The following HELQ variants were observed in gnomAD, a reference collection of about 807,000 sequenced individuals.
HELQ encodes helicase, POLQ like.
In HELQ, 77 loss-of-function variants were observed where a neutral mutation model predicts 111.6. The observed-to-expected ratio is 0.69, with a 90% confidence interval of 0.57 to 0.83. The LOEUF (loss-of-function observed/expected upper bound fraction) is 0.83, where lower values mean the gene tolerates loss of function less well. Ranked by LOEUF, HELQ falls within the 40% of genes least tolerant of loss-of-function variation. The probability of loss-of-function intolerance (pLI) is 0.00; values close to 1 mark genes in which losing one functional copy is unlikely to be tolerated. For synonymous variants in HELQ, 438 were observed against 454.7 expected (o/e 0.96, Z 0.47); for missense variants, 1,200 against 1,288.5 (o/e 0.93, Z 1.05).
chr4:83,434,775 GA>G (rs1720360621), intron 9 of HELQ, among the ~76,000 whole-genome samples: 2 of 152,134 alleles, frequency 1.3e-5, no homozygotes, highest in South Asian at 4.1e-4. Context: ...AGGTAAAGTT[GA>G]AAAAAATTAC....
In HELQ at chr4:83,439,563, G is replaced by A. The variant is rs1720660775; in HGVS notation, c.1808+300C>T. Among the ~76,000 whole-genome samples, 2 of 151,652 alleles carry A rather than the reference G, an allele frequency of 1.3e-5. 1 individual carries two copies. The highest frequency in any genetic ancestry group is 4.9e-5 in the African/African-American group (2 of 41,184). ...TTTAGTAGAGATGGGGTTTCACCGT[G>A]TTGGCCAGGCTCGTCTCAAACTCCT... On this transcript the variant is annotated intron_variant, in intron 8 of 17. Transcript: ENST00000295488.
intron 4 of HELQ, 129 bp downstream of exon 4, chr4:83,446,706 T>C (rs1460137196): frequency 1.7e-5 from 10 of 595,514 alleles, no homozygotes; most frequent in Non-Finnish European, 5.7e-6. Context: ...TTCACCTATA[T>C]TGTCTATATT....
In HELQ at chr4:83,453,336, T is replaced by C. The variant is rs763283099; in HGVS notation, c.907A>G (p.Lys303Glu). 2 of 1,613,530 alleles carry C rather than the reference T, an allele frequency of 1.2e-6. No individual in the cohort carries two copies. The highest frequency in any genetic ancestry group is 1.3e-5 in the African/African-American group (1 of 74,912). Residue 303 changes from lysine to glutamate, a missense_variant, in exon 2 of 18, where the codon AAG becomes GAG. By Grantham distance (56) the Lys-to-Glu change is moderately conservative (BLOSUM62 1). Transcript: ENST00000295488. ...TTTGATGATGACTCAACTGTTTTCT[T>C]AGCAACATTAATTTCCTCAGATAGG... The part of the protein sequence containing the change: ...TLLSEEINVA[K>E]KTVESSSNDL...
chr4:83,447,370 C>A (rs186160954), intron 3 of HELQ, among the ~76,000 whole-genome samples: 34 of 151,342 alleles, frequency 2.2e-4, no homozygotes, highest in African/African-American at 7.8e-4. Flanking sequence ...TAAACAAAAC[C>A]AAAAAACACA....
intron 4 of HELQ, 59 bp downstream of exon 4, chr4:83,446,776 A>C (rs1466816491): frequency 1.9e-6 from 2 of 1,042,322 alleles, no homozygotes; most frequent in Non-Finnish European, 2.9e-6. Flanking sequence ...CACAATAACC[A>C]GAATAATAAA....
At chr4:83,431,797 T>C (rs750759558) in intron 10 of HELQ, 29 bp from the exon 11 acceptor site, 2 of 884,416 alleles carry the variant, frequency 2.3e-6, no homozygotes, top group Non-Finnish European at 3.3e-6. Flanking sequence ...AACCATGCCT[T>C]GTGTTATTAT....
At chr4:83,408,252 C>A (rs1738894311) in intron 17 of HELQ, among the ~76,000 whole-genome samples, 1 of 152,042 alleles carries the variant, frequency 6.6e-6, no homozygotes. Flanking sequence ...CTCCCCCCCA[C>A]CCGCCTTTTT....
At position 83,450,222 on chromosome 4, in the gene HELQ, T is replaced by TAAAAAAAAAAAAAAA. The variant is rs71668650; in HGVS notation, c.1013-1276_1013-1262dup. ...TGTATGTTCAATATACAGTTAAGTT[T>TAAAAAAAAAAAAAAA]AAAAAAAAAAAAAAAAAAAAAAAAA... On this transcript the variant is annotated intron_variant, in intron 2 of 17. Coordinates refer to ENST00000295488, the MANE Select transcript of HELQ (RefSeq NM_133636.5). Among the ~76,000 whole-genome samples the TAAAAAAAAAAAAAAA allele has an allele frequency of 8.8e-5, 4 of 45,608 alleles. 1 individual carries two copies. Among genetic ancestry groups the TAAAAAAAAAAAAAAA allele is most frequent in the African/African-American group, 9.8e-5 (2 of 20,470 alleles). The allele number at this position is 45,608 out of a possible 152,430, so 29.9% of individuals were successfully genotyped here. A position where few individuals can be genotyped will look rare whatever the true frequency, so the allele number is the denominator to read the frequency against.
intron 17 of HELQ, among the ~76,000 whole-genome samples, chr4:83,412,601 G>A (rs1208566651): frequency 1.3e-5 from 2 of 152,188 alleles, no homozygotes; most frequent in African/African-American, 4.8e-5. Flanking sequence ...CAAGATGGAA[G>A]GATTGCTTGA....
At position 83,455,619 on chromosome 4, in the gene HELQ, A is replaced by T. The variant is rs201140147; in HGVS notation, c.75T>A (p.Ile25=). The part of the protein sequence containing the change: ...PKRNRPSLGC[I]FGAPTAAELV... Reference sequence around the variant, plus strand: ...GCTCGGCCGCGGTGGGAGCGCCAAAAATACACCCCAAGCTTGGACGGTTCC... The same window carrying T: ...GCTCGGCCGCGGTGGGAGCGCCAAATATACACCCCAAGCTTGGACGGTTCC... Residue 25 remains isoleucine (I), a synonymous_variant, in exon 1 of 18, where the codon ATT becomes ATA. Transcript: ENST00000295488. 3.1e-6 allele frequency: 5 copies of T among 1,613,976 alleles called. No individual in the cohort carries two copies. In the Admixed American group the frequency reaches 8.3e-5, roughly 27 times the overall value.
chr4:83,410,861 C>G (rs547194696), intron 17 of HELQ, among the ~76,000 whole-genome samples: 1 of 151,880 alleles, frequency 6.6e-6, no homozygotes, highest in East Asian at 1.9e-4. Context: ...TGTAAGAAAG[C>G]CAAGCTAGGA....
intron 15 of HELQ, among the ~76,000 whole-genome samples, chr4:83,421,194 A>T (rs112762431): frequency 1.2e-3 from 187 of 152,298 alleles, no homozygotes; most frequent in African/African-American, 4.4e-3. Flanking sequence ...CTAACCAAAC[A>T]CCTGACATTT....
At chr4:83,431,855 C>G (rs1182297263) in intron 10 of HELQ, 87 bp from the exon 11 acceptor site, 1 of 582,846 alleles carries the variant, frequency 1.7e-6, no homozygotes, top group African/African-American at 2.0e-5. Flanking sequence ...TTACATAAAT[C>G]TTGTGGAGCC....
In HELQ at chr4:83,455,469, G is replaced by A; in HGVS notation, c.225C>T (p.Leu75=). 6.2e-7 allele frequency: 1 copy of A among 1,614,170 alleles called. No individual in the cohort carries two copies. Among genetic ancestry groups the A allele is most frequent in the Non-Finnish European group, 8.5e-7 (1 of 1,180,030 alleles). The change falls in exon 1 of 18, where the codon CTC becomes CTT. Residue 75 remains leucine (L), a synonymous_variant. Coordinates refer to ENST00000295488, the MANE Select transcript of HELQ (RefSeq NM_133636.5). ...GGTTTGTATCACCACCTCCAAGGACGAGACATTCCGGGGAATCTGAGAGTA... is the reference window on the plus strand; with the variant it reads ...GGTTTGTATCACCACCTCCAAGGACAAGACATTCCGGGGAATCTGAGAGTA... ...PLLLSDSPEC[L]VLGGGDTNPD...
chr4:83,429,790 A>G, intron 11 of HELQ, 44 bp from the exon 12 acceptor site: 1 of 1,296,684 alleles, frequency 7.7e-7, no homozygotes, highest in Non-Finnish European at 1.1e-6. Flanking sequence ...CCTTAATTCA[A>G]GGCATCACCT....
chr4:83,420,456 A>ACC (rs147119910), intron 15 of HELQ, among the ~76,000 whole-genome samples: 10 of 151,120 alleles, frequency 6.6e-5, no homozygotes, highest in Admixed American at 6.6e-5. Context: ...TCATAGTGAG[A>ACC]CCCCCCACCC....
intron 12 of HELQ, among the ~76,000 whole-genome samples, chr4:83,428,798 A>T (rs905494407): frequency 2.6e-5 from 4 of 151,986 alleles, no homozygotes; most frequent in Non-Finnish European, 4.4e-5. Flanking sequence ...AAGAAAAAAA[A>T]TTTTTTTAAT....
chr4:83,434,478 T>TG (rs1327619749), intron 9 of HELQ, among the ~76,000 whole-genome samples: 1 of 152,114 alleles, frequency 6.6e-6, no homozygotes, highest in African/African-American at 2.4e-5. Flanking sequence ...CTCATTTTTT[T>TG]TTTTGAGACA....
chr4:83,428,910 A>G (rs1719989527), intron 12 of HELQ, among the ~76,000 whole-genome samples: 2 of 152,150 alleles, frequency 1.3e-5, no homozygotes, highest in African/African-American at 4.8e-5. Context: ...AATGTACAGT[A>G]AAGGTCTGGA....
Sources: gnomAD v4.1 joint callset for allele counts (sites outside exome capture counted in the v4.1 genomes callset) on GRCh38, gnomAD v4.1.1 for gene constraint, MANE v1.5 for transcripts, NCBI Gene and HGNC (gene_info 2026-07-23, HGNC 2026-07-21) for gene names.